HDAC7: variants seen among roughly 807,000 people sequenced by gnomAD.
HDAC7 encodes the protein histone deacetylase 7A.
A neutral mutation model predicts 115.5 loss-of-function variants in HDAC7; 26 were observed. The ratio of observed to expected loss-of-function variants is 0.23; its 90% CI spans 0.16 to 0.31. The LOEUF is 0.31. HDAC7 is among the 10% of genes least tolerant of loss of function. The pLI is 1.00. For missense variants in HDAC7, 1,068 were observed against 1,329.0 expected (o/e 0.80, Z 3.05); for synonymous variants, 564 against 550.9 (o/e 1.02, Z -0.33).
chr12:47,783,715 G>T lies in HDAC7; in HGVS notation c.*126C>A. On this transcript the variant is annotated 3_prime_UTR_variant, in exon 26 of 26. Coordinates refer to ENST00000080059, the MANE Select transcript of HDAC7 (RefSeq NM_015401.5). Reference sequence around the variant, plus strand: ...CTGGGATAACTGTCAAAGCAGGCAGGCTGTTCTCTGGTTCCAACTACTTGC... The same window carrying T: ...CTGGGATAACTGTCAAAGCAGGCAGTCTGTTCTCTGGTTCCAACTACTTGC... The T allele has an allele frequency of 1.1e-6, 1 of 913,950 alleles. No individual in the cohort carries two copies. Among genetic ancestry groups the T allele is most frequent in the Non-Finnish European group, 1.8e-6 (1 of 567,564 alleles). 56.6% of individuals were successfully genotyped at this position (913,950 alleles called of 1,614,324 possible). A position where few individuals can be genotyped will look rare whatever the true frequency, so the allele number is the denominator to read the frequency against.
chr12:47,802,304 T>TGCAGGGAGGGGTGAGGAGAGGGA (rs1565575203), intron 1 of HDAC7, 30 bp from the exon 2 acceptor site: 1 of 1,609,340 alleles, frequency 6.2e-7, no homozygotes, highest in South Asian at 1.1e-5. Context: ...GTGAAAGAGC[T>TGCAGGGAGGGGTGAGGAGAGGGA]GCAGGGAGGG....
intron 8 of HDAC7, 92 bp from the exon 9 acceptor site, chr12:47,796,108 G>A: frequency 1.3e-6 from 2 of 1,512,966 alleles, no homozygotes; most frequent in South Asian, 2.4e-5. Flanking sequence ...GGCAGGGGCT[G>A]CCCAGACCCT....
At chr12:47,786,067 G>GCA in intron 22 of HDAC7, 182 bp from the exon 23 acceptor site, 1 of 640,986 alleles carries the variant, frequency 1.6e-6, no homozygotes, top group Non-Finnish European at 2.5e-6. Flanking sequence ...CTTCACTCAA[G>GCA]GCTCAGGGAG....
In HDAC7 at chr12:47,798,112, A is replaced by G; in HGVS notation, c.457T>C (p.Tyr153His). ...GGCAGGTGAGGAGGGTGTTACCTGT[A>G]GGGAATGCCGGGGCTGTTGGGATGG... ...TVHPNSPGIP[Y>H]RTLEPLETEG... is the part of the protein sequence containing the mutation. Residue 153 changes from tyrosine to histidine, a missense_variant, in exon 5 of 26, where the codon TAC (tyrosine) becomes CAC (histidine). Coordinates refer to ENST00000080059, the MANE Select transcript of HDAC7 (RefSeq NM_015401.5). This position sits in a 1 kb window ranked among gnomAD's most constrained non-coding sequence, Gnocchi z 4.3. 1.2e-6 allele frequency: 2 copies of G among 1,611,844 alleles called. No individual in the cohort carries two copies. The highest frequency in any genetic ancestry group is 1.7e-6 in the Non-Finnish European group (2 of 1,178,208).
intron 14 of HDAC7, 70 bp downstream of exon 14, chr12:47,791,801 G>GCCCCCCCCCCCCCCCCCTCCC: frequency 6.6e-7 from 1 of 1,511,074 alleles, no homozygotes; most frequent in Admixed American, 2.0e-5. Context: ...GGGCCCCAGG[G>GCCCCCCCCCCCCCCCCCTCCC]CCCCCCACCC....
At chr12:47,786,063 T>C in intron 22 of HDAC7, 178 bp from the exon 23 acceptor site, 1 of 670,764 alleles carries the variant, frequency 1.5e-6, no homozygotes, top group Non-Finnish European at 2.4e-6. Flanking sequence ...TATGCTTCAC[T>C]CAAGGCTCAG....
chr12:47,797,662 G>C lies in HDAC7; in HGVS notation c.462-163C>G, dbSNP rs971674409. Among the ~76,000 whole-genome samples the C allele has an allele frequency of 6.6e-6, 1 of 152,172 alleles. No homozygotes were observed. The highest frequency in any genetic ancestry group is 1.5e-5 in the Non-Finnish European group (1 of 68,012). On this transcript the variant is annotated intron_variant, in intron 5 of 25. Transcript: ENST00000080059. The surrounding 1 kb of genome is among the most constrained non-coding windows in gnomAD (Gnocchi z 5.5). Reference sequence around the variant, plus strand: ...CATCTCCAGGTGGCAGCAGTGGGCCGCCTGTCCGCTCCAGCAGCTATAGTG... The same window carrying C: ...CATCTCCAGGTGGCAGCAGTGGGCCCCCTGTCCGCTCCAGCAGCTATAGTG...
chr12:47,787,649 G>A, intron 21 of HDAC7, 63 bp downstream of exon 21: 2 of 1,178,098 alleles, frequency 1.7e-6, no homozygotes, highest in Non-Finnish European at 2.4e-6. Context: ...CTCCCCCCTG[G>A]TGCTCTTGGG....
At chr12:47,806,621 G>A (rs541768772) in intron 1 of HDAC7, among the ~76,000 whole-genome samples, 8 of 152,152 alleles carry the variant, frequency 5.3e-5, no homozygotes, top group East Asian at 1.9e-4. Context: ...CCCAGGAGGC[G>A]GAGGCTGCAG....
chr12:47,806,851 A>G (rs1308964813), intron 1 of HDAC7, among the ~76,000 whole-genome samples: 3 of 151,622 alleles, frequency 2.0e-5, no homozygotes, highest in Non-Finnish European at 4.4e-5. Flanking sequence ...TCCTGGCATT[A>G]GCGTTTCAGT....
intron 16 of HDAC7, chr12:47,790,767 C>T (rs576990572): frequency 3.8e-5 from 7 of 184,678 alleles, no homozygotes; most frequent in African/African-American, 7.2e-5. Flanking sequence ...GGAAGCAAAG[C>T]TCGCGAGCGG....
intron 1 of HDAC7, 92 bp downstream of exon 1, chr12:47,819,675 G>A (rs1944965318): frequency 9.4e-6 from 2 of 212,950 alleles, no homozygotes; most frequent in South Asian, 1.4e-4. Context: ...AGCCGGAGCC[G>A]GAGCCGGGGC....
intron 1 of HDAC7, among the ~76,000 whole-genome samples, chr12:47,804,170 A>G (rs911521774): frequency 6.6e-6 from 1 of 152,214 alleles, no homozygotes; most frequent in African/African-American, 2.4e-5. Context: ...TTTTGTGGTG[A>G]TAATCCATAA....
intron 1 of HDAC7, among the ~76,000 whole-genome samples, chr12:47,816,481 T>A (rs1215152763): frequency 1.3e-5 from 2 of 151,888 alleles, no homozygotes; most frequent in African/African-American, 4.8e-5. Flanking sequence ...ACCACATAGA[T>A]CACAAATTGC....
At chr12:47,819,665 A>AGCCGGAGCCGGAGCCGGG in intron 1 of HDAC7, 102 bp downstream of exon 1, 1 of 188,124 alleles carries the variant, frequency 5.3e-6, no homozygotes, top group Non-Finnish European at 9.9e-6. Flanking sequence ...CCCGAGCCGG[A>AGCCGGAGCCGGAGCCGGG]GCCGGAGCCG....
intron 19 of HDAC7, 187 bp downstream of exon 19, chr12:47,789,074 A>G: frequency 1.7e-6 from 1 of 605,188 alleles, no homozygotes; most frequent in Non-Finnish European, 2.9e-6. Context: ...GCGTTCCCAC[A>G]CGCCATCCCC....
chr12:47,799,030 A>G lies in HDAC7; in HGVS notation c.71-58T>C, dbSNP rs543447124. 7.3e-6 allele frequency: 9 copies of G among 1,236,130 alleles called. No individual in the cohort carries two copies. In the African/African-American group the frequency reaches 9.2e-5, roughly 13 times the overall value. The allele number at this position is 1,236,130 out of a possible 1,614,324, so 76.6% of individuals were successfully genotyped here. A position where few individuals can be genotyped will look rare whatever the true frequency, so the allele number is the denominator to read the frequency against. On this transcript the variant is annotated intron_variant, in intron 2 of 25. Transcript: ENST00000080059. ...GAAAGTTTGTCCTCGGGGGCATGATACAGCCTGATCCCCCCTCAGCCTCCC... is the reference window on the plus strand; with the variant it reads ...GAAAGTTTGTCCTCGGGGGCATGATGCAGCCTGATCCCCCCTCAGCCTCCC...
intron 1 of HDAC7, among the ~76,000 whole-genome samples, chr12:47,818,313 C>G (rs1944908292): frequency 6.6e-6 from 1 of 152,222 alleles, no homozygotes; most frequent in East Asian, 1.9e-4. Flanking sequence ...CATCAGGGGA[C>G]TAAAGGCAGA....
Position 47,798,632 on chromosome 12 carries a change from C to G in HDAC7, c.279G>C (p.Met93Ile). Reference sequence around the variant, plus strand: ...CCTGGGGTCCCACCTGCAACTCGGGCATCGGCGTGTCCATGGAGAGCTGTG... The same window carrying G: ...CCTGGGGTCCCACCTGCAACTCGGGGATCGGCGTGTCCATGGAGAGCTGTG... ...EPMRLSMDTPMPELQVGPQEQ... is the reference protein window; with the variant it reads ...EPMRLSMDTPIPELQVGPQEQ... The change falls in exon 4 of 26, where the codon ATG becomes ATC. Residue 93 changes from methionine (M) to isoleucine (I), a missense_variant. This residue lies in a region of HDAC7 where 161 missense variants were observed against 158.5 expected (regional missense o/e 1.02). Coordinates refer to ENST00000080059, the MANE Select transcript of HDAC7 (RefSeq NM_015401.5). The surrounding 1 kb of genome is among the most constrained non-coding windows in gnomAD (Gnocchi z 4.3). 1 of 1,613,776 alleles carries G rather than the reference C, an allele frequency of 6.2e-7. No individual in the cohort carries two copies. Among genetic ancestry groups the G allele is most frequent in the Non-Finnish European group, 8.5e-7 (1 of 1,179,792 alleles).
Sources: allele counts gnomAD v4.1 joint callset (sites outside exome capture counted in the v4.1 genomes callset), GRCh38; gene constraint gnomAD v4.1.1; regional missense constraint gnomAD v4.1.1; non-coding constraint Gnocchi (gnomAD v3.1); transcripts MANE v1.5; gene names NCBI Gene and HGNC (gene_info 2026-07-23, HGNC 2026-07-21).